TRDMT1: variants seen among roughly 807,000 people sequenced by gnomAD.
The protein encoded by TRDMT1 is tRNA (cytosine(38)-C(5))-methyltransferase.
TRDMT1 carries 49 observed loss-of-function variants against 51.2 expected under a neutral mutation model. That is an observed-to-expected ratio of 0.96 (90% CI 0.76 to 1.21). The LOEUF is 1.21. TRDMT1 is among the 50% of genes most tolerant of loss of function. TRDMT1 has a pLI of 0.00. For synonymous variants in TRDMT1, 187 were observed against 164.6 expected (o/e 1.14, Z -1.04); for missense variants, 534 against 462.3 (o/e 1.16, Z -1.42).
chr10:17,163,833 T>C (rs894790220), intron 3 of TRDMT1, among the ~76,000 whole-genome samples: 3 of 152,144 alleles, frequency 2.0e-5, no homozygotes, highest in Non-Finnish European at 2.9e-5. Flanking sequence ...GTTGAATCTC[T>C]GAATAGACCA....
intron 2 of TRDMT1, chr10:17,171,926 T>C (rs1260102095): frequency 1.2e-5 from 2 of 166,374 alleles, no homozygotes; most frequent in African/African-American, 4.8e-5. Context: ...ATTAAGAGTT[T>C]TTGTTCCACT....
intron 1 of TRDMT1, among the ~76,000 whole-genome samples, chr10:17,193,453 C>A (rs1420065376): frequency 6.6e-6 from 1 of 152,152 alleles, no homozygotes; most frequent in African/African-American, 2.4e-5. Flanking sequence ...ATGACTTCAT[C>A]AAAGCTTCAG....
chr10:17,156,416 G>A (rs935939289), intron 8 of TRDMT1, among the ~76,000 whole-genome samples: 5 of 151,968 alleles, frequency 3.3e-5, no homozygotes, highest in Middle Eastern at 3.4e-3. Flanking sequence ...TGTAGTCTTC[G>A]TACAGACAGG....
intron 1 of TRDMT1, among the ~76,000 whole-genome samples, chr10:17,181,639 C>T (rs560839481): frequency 6.6e-6 from 1 of 151,714 alleles, no homozygotes; most frequent in African/African-American, 2.4e-5. Context: ...GATTATCTAT[C>T]TCAATGCTCA....
chr10:17,171,222 G>A (rs1372626008), intron 2 of TRDMT1, among the ~76,000 whole-genome samples: 1 of 151,794 alleles, frequency 6.6e-6, no homozygotes, highest in Non-Finnish European at 1.5e-5. Flanking sequence ...TTCATTCCGA[G>A]GTGTCCTTAT....
intron 1 of TRDMT1, among the ~76,000 whole-genome samples, chr10:17,196,082 C>T (rs912008048): frequency 5.9e-5 from 9 of 152,220 alleles, no homozygotes; most frequent in Admixed American, 1.3e-4. Flanking sequence ...CAGTTACAAG[C>T]TGGTCTAGTA....
chr10:17,138,702 A>G lies in TRDMT1; in HGVS notation c.*10338T>C, dbSNP rs899098223. On this transcript the variant is annotated 3_prime_UTR_variant, in exon 11 of 11. Coordinates refer to ENST00000377799, the MANE Select transcript of TRDMT1 (RefSeq NM_004412.7). ...CATTTAAATTGCTGAGGTTTGGCAG[A>G]GCTTTTCCTGAGAAAGCAGATTGTT... is the stretch of plus-strand genomic sequence containing the variant. Among the ~76,000 whole-genome samples, 1 of 152,162 alleles carries G rather than the reference A, an allele frequency of 6.6e-6. No homozygotes were observed. The highest frequency in any genetic ancestry group is 1.5e-5 in the Non-Finnish European group (1 of 68,020).
chr10:17,154,780 A>C, intron 8 of TRDMT1, 46 bp from the exon 9 acceptor site: 1 of 1,511,020 alleles, frequency 6.6e-7, no homozygotes, highest in South Asian at 1.2e-5. Flanking sequence ...TGTATGTGTT[A>C]ATGCTAAATT....
In TRDMT1 at chr10:17,154,878, T is replaced by C. The variant is rs1309058431; in HGVS notation, c.888-144A>G. 4.3e-6 allele frequency: 3 copies of C among 690,884 alleles called. No individual in the cohort carries two copies. In the African/African-American group the frequency reaches 5.6e-5, roughly 13 times the overall value. The allele number at this position is 690,884 out of a possible 1,614,324, so 42.8% of individuals were successfully genotyped here. A position where few individuals can be genotyped will look rare whatever the true frequency, so the allele number is the denominator to read the frequency against. Reference sequence around the variant, plus strand: ...AATAATGTCACATAAATATCCTTTGTAGGTAAAAAATTACTAGGTAAAAGA... The same window carrying C: ...AATAATGTCACATAAATATCCTTTGCAGGTAAAAAATTACTAGGTAAAAGA... On this transcript the variant is annotated intron_variant, in intron 8 of 10. Transcript: ENST00000377799.
intron 3 of TRDMT1, among the ~76,000 whole-genome samples, chr10:17,163,619 C>T (rs12267953): frequency 0.025 from 3,729 of 151,844 alleles, 141 homozygotes; most frequent in African/African-American, 0.083. Flanking sequence ...ATTGATAGAC[C>T]GCTAGCAAGA....
At chr10:17,151,170 T>C in intron 10 of TRDMT1, 1 of 778,678 alleles carries the variant, frequency 1.3e-6, no homozygotes, top group Non-Finnish European at 1.6e-6. Context: ...TTTTTGCCAC[T>C]GAAAGTGATG....
chr10:17,149,123 T>C lies in TRDMT1; in HGVS notation c.1093A>G (p.Thr365Ala). 1 of 1,610,296 alleles carries C rather than the reference T, an allele frequency of 6.2e-7. No individual in the cohort carries two copies. Among genetic ancestry groups the C allele is most frequent in the Non-Finnish European group, 8.5e-7 (1 of 1,178,318 alleles). ...AGTAGGCGATAACGCTGTTTCACTG[T>C]TATCTTCTCAGGAAATCCTAAAAAG... ...PPEFGFPEKI[T>A]VKQRYRLLGN... Residue 365 changes from threonine (T) to alanine (A), a missense_variant, in exon 11 of 11, where the codon ACA becomes GCA. Physicochemically the swap from Thr to Ala is moderately conservative, Grantham distance 58. Coordinates refer to ENST00000377799, the MANE Select transcript of TRDMT1 (RefSeq NM_004412.7).
In TRDMT1 at chr10:17,145,815, C is replaced by A; in HGVS notation, c.*3225G>T. The A allele has an allele frequency of 1.1e-5, 11 of 985,404 alleles. No homozygotes were observed. Among genetic ancestry groups the A allele is most frequent in the Non-Finnish European group, 1.3e-5 (11 of 829,928 alleles). The allele number at this position is 985,404 out of a possible 1,614,324, so 61.0% of individuals were successfully genotyped here. ...ATGCAGCTGGCCTGCAGAATGCATC[C>A]TTTAGTAGGTGCTTGATATTAGATG... On this transcript the variant is annotated 3_prime_UTR_variant, in exon 11 of 11. Coordinates refer to ENST00000377799, the MANE Select transcript of TRDMT1 (RefSeq NM_004412.7).
rs1190447233 is a variant in TRDMT1, at chr10:17,201,664, G to A, written c.-30C>T. 1 of 1,532,432 alleles carries A rather than the reference G, an allele frequency of 6.5e-7. No individual in the cohort carries two copies. Among genetic ancestry groups the A allele is most frequent in the East Asian group, 2.5e-5 (1 of 40,146 alleles). The allele number at this position is 1,532,432 out of a possible 1,614,324, so 94.9% of individuals were successfully genotyped here. A position where few individuals can be genotyped will look rare whatever the true frequency, so the allele number is the denominator to read the frequency against. On this transcript the variant is annotated 5_prime_UTR_variant, in exon 1 of 11. Coordinates refer to ENST00000377799, the MANE Select transcript of TRDMT1 (RefSeq NM_004412.7). ...GCGCCTCAGCCGCCGCAGCCCCGGA[G>A]CTAGGCCTGCCGGTCCGTCGCTCCT...
chr10:17,174,516 G>C (rs577365606), intron 2 of TRDMT1, 35 bp downstream of exon 2: 2 of 1,428,668 alleles, frequency 1.4e-6, no homozygotes, highest in Non-Finnish European at 2.0e-6. Context: ...CATTTCCCTT[G>C]CTACATACTT....
chr10:17,158,205 A>C (rs1384347617), intron 7 of TRDMT1, among the ~76,000 whole-genome samples: 1 of 152,162 alleles, frequency 6.6e-6, no homozygotes, highest in Non-Finnish European at 1.5e-5. Context: ...TATGATCTAA[A>C]GGAAAACTAG....
At chr10:17,162,081 C>G in intron 4 of TRDMT1, 85 bp downstream of exon 4, 2 of 1,201,980 alleles carry the variant, frequency 1.7e-6, no homozygotes, top group Non-Finnish European at 2.4e-6. Context: ...AAATGGCTAT[C>G]CTCTACAAAA....
chr10:17,198,701 A>C (rs12242208), intron 1 of TRDMT1, among the ~76,000 whole-genome samples: 101 of 152,334 alleles, frequency 6.6e-4, no homozygotes, highest in African/African-American at 2.4e-3. Flanking sequence ...AGATGATTAA[A>C]AAGTTTTAGA....
At chr10:17,186,080 TAA>T (rs1843865875) in intron 1 of TRDMT1, among the ~76,000 whole-genome samples, 3 of 151,272 alleles carry the variant, frequency 2.0e-5, no homozygotes, top group African/African-American at 7.3e-5. Context: ...AATAAATAAA[TAA>T]ATAAATATGG....
Sources: gnomAD v4.1 joint callset for allele counts (sites outside exome capture counted in the v4.1 genomes callset) on GRCh38, gnomAD v4.1.1 for gene constraint, MANE v1.5 for transcripts, NCBI Gene and HGNC (gene_info 2026-07-23, HGNC 2026-07-21) for gene names.